The following CCDC192 variants were observed in gnomAD, a reference collection of about 807,000 sequenced individuals.
The protein encoded by CCDC192 is coiled-coil domain-containing protein 192.
intron 2 of CCDC192, among the ~76,000 whole-genome samples, chr5:127,751,725 C>A (rs2126866551): frequency 6.6e-6 from 1 of 152,234 alleles, no homozygotes; most frequent in Admixed American, 6.5e-5. Flanking sequence ...AACTTGGTTC[C>A]ATTCTCCCCA....
At chr5:127,882,115 T>G (rs1752379036) in intron 6 of CCDC192, among the ~76,000 whole-genome samples, 1 of 152,180 alleles carries the variant, frequency 6.6e-6, no homozygotes, top group African/African-American at 2.4e-5. Flanking sequence ...GCTGGTACAT[T>G]CCAGGGTAGA....
intron 5 of CCDC192, among the ~76,000 whole-genome samples, chr5:127,841,037 T>C (rs1183592395): frequency 6.6e-6 from 1 of 152,090 alleles, no homozygotes; most frequent in Non-Finnish European, 1.5e-5. Context: ...TGTATAGAAA[T>C]AAGATGTGAC....
chr5:127,931,918 G>A (rs988459735), intron 6 of CCDC192, among the ~76,000 whole-genome samples: 9 of 151,918 alleles, frequency 5.9e-5, no homozygotes, highest in Non-Finnish European at 1.2e-4. Context: ...TTGGGAGGCC[G>A]AGGCAGGTGG....
chr5:127,747,011 T>C (rs986510203), intron 2 of CCDC192, among the ~76,000 whole-genome samples: 3 of 151,404 alleles, frequency 2.0e-5, no homozygotes, highest in African/African-American at 7.3e-5. Flanking sequence ...TCATAAGCCA[T>C]AGGGAAAAAA....
rs535927744 is a variant in CCDC192 at position 127,900,180 on chromosome 5, C to T, written c.535+24519C>T. Among the ~76,000 whole-genome samples, 19 of 152,172 alleles carry T rather than the reference C, an allele frequency of 1.2e-4. 1 individual carries two copies. In the South Asian group the frequency reaches 3.3e-3, roughly 27 times the overall value. The stretch of plus-strand genomic sequence containing the variant: ...CTCAGTTTTCTCATTGCCTTAAGAC[C>T]GGAATAGCGTTACAAAATTTTGTTG... On this transcript the variant is annotated intron_variant, in intron 6 of 6. Transcript: ENST00000514853.
At chr5:127,928,212 G>A (rs1447216614) in intron 6 of CCDC192, among the ~76,000 whole-genome samples, 3 of 152,160 alleles carry the variant, frequency 2.0e-5, no homozygotes, top group Non-Finnish European at 2.9e-5. Flanking sequence ...GAGCGACCAC[G>A]CCTGGCTGGT....
chr5:127,804,617 T>A (rs1304069656), intron 5 of CCDC192, among the ~76,000 whole-genome samples: 1 of 152,152 alleles, frequency 6.6e-6, no homozygotes, highest in African/African-American at 2.4e-5. Context: ...CTAGCCAGAA[T>A]CAGAATCAGT....
intron 6 of CCDC192, among the ~76,000 whole-genome samples, chr5:127,917,145 C>G (rs537397110): frequency 6.6e-6 from 1 of 152,304 alleles, no homozygotes; most frequent in South Asian, 2.1e-4. Flanking sequence ...CATGAACCAA[C>G]CTCTGCTAGC....
intron 5 of CCDC192, among the ~76,000 whole-genome samples, chr5:127,798,772 AT>A (rs1757316369): frequency 6.6e-6 from 1 of 151,212 alleles, no homozygotes; most frequent in Non-Finnish European, 1.5e-5. Context: ...ATTAATATTG[AT>A]TTTAGGCAAG....
chr5:127,781,139 T>C (rs1756194463), intron 3 of CCDC192, among the ~76,000 whole-genome samples: 1 of 152,194 alleles, frequency 6.6e-6, no homozygotes. Flanking sequence ...CAGTTGGCTG[T>C]AAGCATTTGG....
chr5:127,752,160 A>C (rs1363181364), intron 2 of CCDC192, among the ~76,000 whole-genome samples: 15 of 152,134 alleles, frequency 9.9e-5, no homozygotes, highest in Non-Finnish European at 1.9e-4. Flanking sequence ...GCTGGTGAGG[A>C]GCTGCATTCC....
chr5:127,887,985 G>A (rs1023224993), intron 6 of CCDC192, among the ~76,000 whole-genome samples: 54 of 152,014 alleles, frequency 3.6e-4, no homozygotes, highest in African/African-American at 1.2e-3. Context: ...TTACAGGCAC[G>A]AGCCAGCGCG....
intron 5 of CCDC192, among the ~76,000 whole-genome samples, chr5:127,816,330 G>A (rs1749024411): frequency 6.6e-6 from 1 of 152,194 alleles, no homozygotes; most frequent in African/African-American, 2.4e-5. Flanking sequence ...ACAGAGATTT[G>A]CTAGGACCCT....
intron 2 of CCDC192, among the ~76,000 whole-genome samples, chr5:127,710,984 C>G (rs749741804): frequency 1.3e-5 from 2 of 152,148 alleles, no homozygotes; most frequent in African/African-American, 2.4e-5. Context: ...ATTGCTTTTG[C>G]TGCATTTTAA....
At chr5:127,847,048 G>T (rs147167904) in intron 5 of CCDC192, among the ~76,000 whole-genome samples, 252 of 152,214 alleles carry the variant, frequency 1.7e-3, no homozygotes, top group African/African-American at 5.5e-3. Context: ...ATTTCCAAAT[G>T]TCCATCCAAT....
intron 3 of CCDC192, among the ~76,000 whole-genome samples, chr5:127,761,398 A>G (rs1369151353): frequency 6.6e-6 from 1 of 152,196 alleles, no homozygotes; most frequent in South Asian, 2.1e-4. Flanking sequence ...AGATGGTGTT[A>G]AATACTTTGC....
chr5:127,831,085 C>G (rs941608318), intron 5 of CCDC192, among the ~76,000 whole-genome samples: 1 of 152,082 alleles, frequency 6.6e-6, no homozygotes, highest in South Asian at 2.1e-4. Flanking sequence ...CAGCTCAGCT[C>G]ATGTTTTCTG....
intron 2 of CCDC192, among the ~76,000 whole-genome samples, chr5:127,744,935 T>C (rs569487600): frequency 6.6e-6 from 1 of 152,306 alleles, no homozygotes; most frequent in South Asian, 2.1e-4. Flanking sequence ...CCCCTGACCA[T>C]GGCAAGCAGA....
intron 5 of CCDC192, among the ~76,000 whole-genome samples, chr5:127,810,388 A>G (rs1316599233): frequency 1.3e-5 from 2 of 152,114 alleles, no homozygotes; most frequent in East Asian, 1.9e-4. Flanking sequence ...GGCTTGGAAA[A>G]CTTCTAACTG....
Sources: allele counts gnomAD v4.1 joint callset (sites outside exome capture counted in the v4.1 genomes callset), GRCh38; gene constraint gnomAD v4.1.1; transcripts MANE v1.5; gene names NCBI Gene and HGNC (gene_info 2026-07-23, HGNC 2026-07-21).